The following XPR1 variants were observed in gnomAD, a reference collection of about 807,000 sequenced individuals.
The protein encoded by XPR1 is solute carrier family 53 member 1.
Under a neutral mutation model 87.5 loss-of-function variants are expected in XPR1, and 28 were observed. That is an observed-to-expected ratio of 0.32 (90% CI 0.24 to 0.44). The LOEUF (loss-of-function observed/expected upper bound fraction) is 0.44. XPR1 is among the 20% of genes least tolerant of loss of function. The pLI is 1.00. For missense variants in XPR1, 559 were observed against 862.3 expected (o/e 0.65, Z 4.41); for synonymous variants, 300 against 306.1 (o/e 0.98, Z 0.21).
intron 2 of XPR1, among the ~76,000 whole-genome samples, chr1:180,692,573 T>C (rs999020408): frequency 2.6e-5 from 4 of 152,160 alleles, no homozygotes; most frequent in African/African-American, 9.7e-5. Context: ...ATTTGTATTA[T>C]GAAAATGACA....
intron 14 of XPR1, among the ~76,000 whole-genome samples, chr1:180,880,970 G>A (rs1265369609): frequency 6.6e-6 from 1 of 152,108 alleles, no homozygotes; most frequent in Admixed American, 6.5e-5. Context: ...CTTAGGTTGA[G>A]GATGAACGGT....
intron 2 of XPR1, among the ~76,000 whole-genome samples, chr1:180,750,843 A>T (rs1647504953): frequency 1.3e-5 from 2 of 152,084 alleles, no homozygotes; most frequent in South Asian, 4.1e-4. Context: ...TTGACATATT[A>T]ACATTGTTGA....
intron 13 of XPR1, among the ~76,000 whole-genome samples, chr1:180,874,265 C>T (rs1652591887): frequency 1.3e-5 from 2 of 152,052 alleles, no homozygotes; most frequent in Non-Finnish European, 1.5e-5. Flanking sequence ...AACGGGGTTC[C>T]ATTGAAAGGA....
intron 3 of XPR1, among the ~76,000 whole-genome samples, chr1:180,802,648 A>C (rs752467395): frequency 6.6e-6 from 1 of 152,208 alleles, no homozygotes; most frequent in Non-Finnish European, 1.5e-5. Context: ...ATCATCCTAA[A>C]GACATATCTC....
At position 180,796,284 on chromosome 1, in the gene XPR1, G is replaced by A. The variant is rs566281504; in HGVS notation, c.224-7104G>A. Reference sequence around the variant, plus strand: ...ATTGCAAAATAGATTGGGATACTTGGTGTCAAAAGCAGTATTTCTTATTCT... The same window carrying A: ...ATTGCAAAATAGATTGGGATACTTGATGTCAAAAGCAGTATTTCTTATTCT... On this transcript the variant is annotated intron_variant, in intron 3 of 14. Transcript: ENST00000367590. 4.6e-5 allele frequency among the ~76,000 whole-genome samples: 7 copies of A among 152,158 alleles called. No individual in the cohort carries two copies. The East Asian group carries it at 9.7e-4, about 21-fold the overall frequency.
Position 180,704,750 on chromosome 1 carries a change from G to A in XPR1, c.121+22339G>A, listed in dbSNP as rs1571745162. Among the ~76,000 whole-genome samples, 11 of 144,548 alleles carry A rather than the reference G, an allele frequency of 7.6e-5. No individual in the cohort carries two copies. The South Asian group carries it at 2.4e-3, about 31-fold the overall frequency. 94.8% of individuals were successfully genotyped at this position (144,548 alleles called of 152,430 possible). ...CTATTTGATATTACAAAAATTTCCA[G>A]ACTTGACATATATATTTCCAGCCTG... On this transcript the variant is annotated intron_variant, in intron 2 of 14. Coordinates refer to ENST00000367590, the MANE Select transcript of XPR1 (RefSeq NM_004736.4).
chr1:180,789,055 A>G (rs1011170043), intron 3 of XPR1, among the ~76,000 whole-genome samples: 4 of 152,202 alleles, frequency 2.6e-5, no homozygotes. Context: ...AAAAAGGTAA[A>G]AAGAGTCAGT....
chr1:180,772,695 CAG>C (rs1484970724), intron 2 of XPR1, among the ~76,000 whole-genome samples: 4 of 152,268 alleles, frequency 2.6e-5, no homozygotes, highest in East Asian at 1.9e-4. Flanking sequence ...TTTTAAAAAA[CAG>C]AGTTTTTCTG....
At chr1:180,794,486 G>T (rs1170920426) in intron 3 of XPR1, among the ~76,000 whole-genome samples, 2 of 152,134 alleles carry the variant, frequency 1.3e-5, no homozygotes, top group African/African-American at 4.8e-5. Context: ...CACCTGTTGT[G>T]TGTATTTACA....
chr1:180,659,801 GCCA>G (rs78468440), intron 1 of XPR1, among the ~76,000 whole-genome samples: 8,091 of 152,094 alleles, frequency 0.053, 306 homozygotes, highest in Non-Finnish European at 0.078. Flanking sequence ...ACAGGCGTGA[GCCA>G]CCACGCCCAG....
intron 11 of XPR1, among the ~76,000 whole-genome samples, chr1:180,860,614 C>G (rs1173299289): frequency 6.6e-6 from 1 of 151,990 alleles, no homozygotes; most frequent in African/African-American, 2.4e-5. Flanking sequence ...ATGCTATATA[C>G]TAAGTGGTTC....
chr1:180,645,854 A>C (rs1281918027), intron 1 of XPR1, among the ~76,000 whole-genome samples: 1 of 152,228 alleles, frequency 6.6e-6, no homozygotes, highest in African/African-American at 2.4e-5. Context: ...TGACCCGAGC[A>C]GTGAAACCAG....
intron 1 of XPR1, among the ~76,000 whole-genome samples, chr1:180,636,231 T>G (rs987608991): frequency 1.3e-5 from 2 of 152,218 alleles, no homozygotes; most frequent in Non-Finnish European, 2.9e-5. Context: ...TTATGTTGAT[T>G]AGGTAGGTTT....
In XPR1 at chr1:180,886,498, C is replaced by A. The variant is rs1473178057; in HGVS notation, c.*2432C>A. ...CAGTTTAGTCTTTCTTCAACTGTTA[C>A]AGTTCTAGGCCCTAATCGGTCTTAT... is the stretch of plus-strand genomic sequence containing the variant. On this transcript the variant is annotated 3_prime_UTR_variant, in exon 15 of 15. Transcript: ENST00000367590. 1 of 152,192 alleles carries A rather than the reference C, an allele frequency of 6.6e-6. No homozygotes were observed. The highest frequency in any genetic ancestry group is 1.5e-5 in the Non-Finnish European group (1 of 68,028). 9.4% of individuals were successfully genotyped at this position (152,192 alleles called of 1,614,324 possible). A position where few individuals can be genotyped will look rare whatever the true frequency, so the allele number is the denominator to read the frequency against.
intron 2 of XPR1, among the ~76,000 whole-genome samples, chr1:180,782,144 TA>T (rs977163484): frequency 6.6e-6 from 1 of 150,944 alleles, no homozygotes; most frequent in African/African-American, 2.4e-5. Flanking sequence ...ACCTGTTTTT[TA>T]TTTTTTTTCT....
intron 1 of XPR1, among the ~76,000 whole-genome samples, chr1:180,656,456 T>TTTATATATATTTATACA (rs1655494351): frequency 6.0e-4 from 2 of 3,338 alleles, no homozygotes; most frequent in Non-Finnish European, 1.3e-3. Flanking sequence ...TATTTATATA[T>TTTATATATATTTATACA]TTATATATAA....
chr1:180,807,511 G>C (rs1264210753), intron 6 of XPR1, among the ~76,000 whole-genome samples: 1 of 152,078 alleles, frequency 6.6e-6, no homozygotes, highest in African/African-American at 2.4e-5. Context: ...GATGTGTAAG[G>C]CCTTTACATT....
At chr1:180,844,160 G>A (rs10798794) in intron 11 of XPR1, among the ~76,000 whole-genome samples, 63,787 of 151,860 alleles carry the variant, frequency 0.42, 13,844 homozygotes, top group Non-Finnish European at 0.46. Flanking sequence ...GCAGTGAGCC[G>A]AGATTACACC....
intron 2 of XPR1, among the ~76,000 whole-genome samples, chr1:180,773,011 A>T (rs1206411878): frequency 6.6e-6 from 1 of 152,196 alleles, no homozygotes; most frequent in African/African-American, 2.4e-5. Flanking sequence ...CCCAGGGTAC[A>T]GTTCCCCAGT....
Sources: allele counts gnomAD v4.1 joint callset (sites outside exome capture counted in the v4.1 genomes callset), GRCh38; gene constraint gnomAD v4.1.1; transcripts MANE v1.5; gene names NCBI Gene and HGNC (gene_info 2026-07-23, HGNC 2026-07-21).